BNC2: variants seen among roughly 807,000 people sequenced by gnomAD.
The protein encoded by BNC2 is zinc finger protein basonuclin-2.
Under a neutral mutation model 76.3 loss-of-function variants are expected in BNC2, and 20 were observed. The ratio of observed to expected loss-of-function variants is 0.26; its 90% CI spans 0.18 to 0.38. The LOEUF (loss-of-function observed/expected upper bound fraction) is 0.38, where lower values mean the gene tolerates loss of function less well. Ranked by LOEUF, BNC2 falls within the 10% of genes least tolerant of loss-of-function variation. The pLI, the probability that BNC2 is intolerant of heterozygous loss-of-function variation, is 1.00. For missense variants in BNC2, 1,382 were observed against 1,399.8 expected (o/e 0.99, Z 0.20); for synonymous variants, 582 against 514.8 (o/e 1.13, Z -1.77).
chr9:16,480,031 T>C (rs1284799361), intron 5 of BNC2, among the ~76,000 whole-genome samples: 1 of 152,232 alleles, frequency 6.6e-6, no homozygotes. Context: ...ATGTGGCAAG[T>C]ACCATTCTAA....
intron 3 of BNC2, among the ~76,000 whole-genome samples, chr9:16,676,100 A>T (rs545560629): frequency 6.6e-6 from 1 of 152,254 alleles, no homozygotes; most frequent in East Asian, 1.9e-4. Flanking sequence ...AATTTCGAAA[A>T]CATGAAAAAA....
chr9:16,784,631 G>A (rs1387367342), intron 1 of BNC2, among the ~76,000 whole-genome samples: 4 of 152,184 alleles, frequency 2.6e-5, no homozygotes, highest in Non-Finnish European at 5.9e-5. Context: ...ATGAAGTTTT[G>A]GGGCTGAGCA....
At chr9:16,870,599 C>G (rs1178179643) in intron 1 of BNC2, 47 bp downstream of exon 1, 1 of 1,605,614 alleles carries the variant, frequency 6.2e-7, no homozygotes, top group Non-Finnish European at 8.5e-7. Context: ...GGGGTCATTT[C>G]TGAGGAAGTC....
At chr9:16,428,062 A>G (rs1563778038) in intron 6 of BNC2, among the ~76,000 whole-genome samples, 1 of 152,232 alleles carries the variant, frequency 6.6e-6, no homozygotes, top group Non-Finnish European at 1.5e-5. Context: ...AACTGCTGAA[A>G]TGGATGCTAA....
intron 3 of BNC2, among the ~76,000 whole-genome samples, chr9:16,711,779 A>G (rs1361075): frequency 0.26 from 40,175 of 152,144 alleles, 7,323 homozygotes; most frequent in East Asian, 0.58. Flanking sequence ...CAATGAATAC[A>G]TGCATGAAAG....
chr9:16,812,533 G>T (rs907256339), intron 1 of BNC2, among the ~76,000 whole-genome samples: 2 of 152,186 alleles, frequency 1.3e-5, no homozygotes, highest in Admixed American at 6.5e-5. Context: ...ATTACCACAG[G>T]CAGAGATGCA....
intron 1 of BNC2, among the ~76,000 whole-genome samples, chr9:16,751,775 A>T (rs570146243): frequency 7.2e-4 from 109 of 152,170 alleles, no homozygotes; most frequent in African/African-American, 2.5e-3. Context: ...TCACGCCTGT[A>T]ATCTCAGCAC....
At chr9:16,632,671 C>A (rs993807603) in intron 3 of BNC2, among the ~76,000 whole-genome samples, 4 of 152,194 alleles carry the variant, frequency 2.6e-5, no homozygotes, top group Admixed American at 6.5e-5. Flanking sequence ...TAGAACACAT[C>A]TTTGCTCACC....
chr9:16,650,543 C>CA (rs1449287350), intron 3 of BNC2, among the ~76,000 whole-genome samples: 2 of 151,874 alleles, frequency 1.3e-5, no homozygotes, highest in African/African-American at 4.9e-5. Context: ...AAGATTATTT[C>CA]AAAATTTTTT....
intron 3 of BNC2, among the ~76,000 whole-genome samples, chr9:16,627,632 T>C (rs1481986860): frequency 6.6e-6 from 1 of 152,156 alleles, no homozygotes; most frequent in Non-Finnish European, 1.5e-5. Context: ...TGATCATGTG[T>C]AGACAAAGAA....
intron 3 of BNC2, among the ~76,000 whole-genome samples, chr9:16,656,203 G>T (rs775798427): frequency 6.6e-6 from 1 of 152,156 alleles, no homozygotes; most frequent in Non-Finnish European, 1.5e-5. Context: ...GTGTGTAGGT[G>T]CTCAGGGAAC....
intron 5 of BNC2, among the ~76,000 whole-genome samples, chr9:16,497,997 G>A (rs1311419504): frequency 7.8e-6 from 1 of 127,858 alleles, no homozygotes; most frequent in African/African-American, 4.5e-5. Context: ...GTGTGTGTGT[G>A]TGTGTGTGTG....
intron 3 of BNC2, among the ~76,000 whole-genome samples, chr9:16,606,019 C>T (rs1001918779): frequency 8.5e-5 from 13 of 152,120 alleles, no homozygotes; most frequent in Non-Finnish European, 1.6e-4. Flanking sequence ...GCTGGGATTA[C>T]AGGCGTGACC....
rs879147664 is a variant in BNC2 at position 16,412,734 on chromosome 9, A to C, written c.*6255T>G. 1 of 106,008 alleles carries C rather than the reference A, an allele frequency of 9.4e-6. No individual in the cohort carries two copies. The highest frequency in any genetic ancestry group is 1.8e-5 in the Non-Finnish European group (1 of 57,016). 6.6% of individuals were successfully genotyped at this position (106,008 alleles called of 1,614,324 possible). On this transcript the variant is annotated 3_prime_UTR_variant, in exon 7 of 7. Coordinates refer to ENST00000380672, the MANE Select transcript of BNC2 (RefSeq NM_017637.6). Reference sequence around the variant, plus strand: ...AGAGAGAGAGGGGAGAGAGAGAGAGAGAGAGAGAGAGAGAGAGAGAGAGAG... The same window carrying C: ...AGAGAGAGAGGGGAGAGAGAGAGAGCGAGAGAGAGAGAGAGAGAGAGAGAG...
chr9:16,847,115 G>A (rs1327404642), intron 1 of BNC2, among the ~76,000 whole-genome samples: 5 of 152,124 alleles, frequency 3.3e-5, no homozygotes, highest in Non-Finnish European at 5.9e-5. Flanking sequence ...TAAATGTGAA[G>A]ATGTATGCTG....
At chr9:16,704,774 A>G (rs2134633119) in intron 3 of BNC2, 1 of 151,014 alleles carries the variant, frequency 6.6e-6, no homozygotes, top group South Asian at 2.1e-4. Context: ...GCGGCCTCCC[A>G]GCCAGTGGTG....
chr9:16,802,562 G>A (rs746888539), intron 1 of BNC2, among the ~76,000 whole-genome samples: 3 of 152,210 alleles, frequency 2.0e-5, no homozygotes, highest in Non-Finnish European at 4.4e-5. Context: ...AGAAGCTTCA[G>A]GTCTTATGTT....
Position 16,610,443 on chromosome 9 carries a change from T to C in BNC2, c.331-27358A>G, listed in dbSNP as rs569824914. 2.6e-5 allele frequency among the ~76,000 whole-genome samples: 4 copies of C among 152,284 alleles called. No homozygotes were observed. In the East Asian group the frequency reaches 7.7e-4, roughly 29 times the overall value. On this transcript the variant is annotated intron_variant, in intron 3 of 6. Coordinates refer to ENST00000380672, the MANE Select transcript of BNC2 (RefSeq NM_017637.6). ...GTATGACAAGAAAGCAGACTACAGA[T>C]ACAAGTTTGAAGGAATGATAAACTG...
chr9:16,548,265 C>T (rs1392912338), intron 5 of BNC2, among the ~76,000 whole-genome samples: 2 of 152,062 alleles, frequency 1.3e-5, no homozygotes, highest in East Asian at 1.9e-4. Context: ...GATAATCACC[C>T]GTATTCTTAT....
Sources: allele counts gnomAD v4.1 joint callset (sites outside exome capture counted in the v4.1 genomes callset), GRCh38; gene constraint gnomAD v4.1.1; transcripts MANE v1.5; gene names NCBI Gene and HGNC (gene_info 2026-07-23, HGNC 2026-07-21).